The following MYO10 variants were observed in gnomAD, a reference collection of about 807,000 sequenced individuals.
The protein encoded by MYO10 is unconventional myosin-X.
A neutral mutation model predicts 257.3 loss-of-function variants in MYO10; 133 were observed. The ratio of observed to expected loss-of-function variants is 0.52; its 90% confidence interval spans 0.45 to 0.60. MYO10 has a LOEUF of 0.60. Among genes scored for constraint, MYO10 ranks in the 20% least tolerant of loss-of-function variants. The pLI is 0.00. For missense variants in MYO10, 2,399 were observed against 2,635.7 expected (o/e 0.91, Z 1.97); for synonymous variants, 1,104 against 1,028.6 (o/e 1.07, Z -1.40).
chr5:16,665,406 T>C lies in MYO10; in HGVS notation c.*1286A>G, dbSNP rs902484398. ...AATTTCTTTTTTCGTGTGGGTAGAC[T>C]TAGTTGGCCCAAGTCCTTAAAACTT... On this transcript the variant is annotated 3_prime_UTR_variant, in exon 41 of 41. Coordinates refer to ENST00000513610, the MANE Select transcript of MYO10 (RefSeq NM_012334.3). The C allele has an allele frequency of 6.6e-5, 10 of 152,198 alleles. No homozygotes were observed. The highest frequency in any genetic ancestry group is 2.4e-4 in the African/African-American group (10 of 41,448). 9.4% of individuals were successfully genotyped at this position (152,198 alleles called of 1,614,324 possible).
chr5:16,935,702 A>G, intron 1 of MYO10, 86 bp downstream of exon 1: 1 of 1,559,454 alleles, frequency 6.4e-7, no homozygotes, highest in Non-Finnish European at 8.8e-7. Flanking sequence ...AGGGCTTAGG[A>G]AAAAGTACCC....
At chr5:16,688,936 C>T (rs1267755500) in intron 28 of MYO10, among the ~76,000 whole-genome samples, 1 of 152,156 alleles carries the variant, frequency 6.6e-6, no homozygotes, top group Non-Finnish European at 1.5e-5. Flanking sequence ...TGTGCTATGT[C>T]TCCTCAGCAC....
At position 16,711,149 on chromosome 5, in the gene MYO10, G is replaced by A. The variant is rs200819752; in HGVS notation, c.2026C>T (p.Arg676Ter). Residue 676 changes from arginine to a stop codon, truncating the protein, a stop_gained, in exon 20 of 41, where the codon CGA becomes TGA. Coordinates refer to ENST00000513610, the MANE Select transcript of MYO10 (RefSeq NM_012334.3). LOFTEE classifies it high-confidence loss of function. ...VRIRKAGYAV[R>*]RPFQDFYKRY... The stretch of plus-strand genomic sequence containing the variant: ...TTGTAAAAGTCCTGAAAGGGTCTTC[G>A]GACCGCATACCCAGCTTTGCGGATT... 7.4e-6 allele frequency: 12 copies of A among 1,613,690 alleles called. No individual in the cohort carries two copies. Among genetic ancestry groups the A allele is most frequent in the Admixed American group, 1.7e-5 (1 of 59,972 alleles).
chr5:16,924,420 G>A (rs1746075558), intron 1 of MYO10, among the ~76,000 whole-genome samples: 1 of 152,080 alleles, frequency 6.6e-6, no homozygotes, highest in Non-Finnish European at 1.5e-5. Context: ...TCATGACAGG[G>A]TCTCTCAGCT....
At chr5:16,822,277 G>A (rs995236985) in intron 2 of MYO10, among the ~76,000 whole-genome samples, 10 of 150,542 alleles carry the variant, frequency 6.6e-5, no homozygotes, top group Non-Finnish European at 1.0e-4. Context: ...AAAAAAAAAC[G>A]AGTCAAGCAA....
At chr5:16,719,864 T>A (rs1739068321) in intron 19 of MYO10, among the ~76,000 whole-genome samples, 1 of 152,128 alleles carries the variant, frequency 6.6e-6, no homozygotes, top group African/African-American at 2.4e-5. Context: ...CTCAGGAGGC[T>A]GAGGCAGGAC....
At chr5:16,702,346 T>C (rs1738119777) in intron 24 of MYO10, among the ~76,000 whole-genome samples, 197 bp downstream of exon 24, 1 of 152,268 alleles carries the variant, frequency 6.6e-6, no homozygotes, top group African/African-American at 2.4e-5. Flanking sequence ...ACTCTTGTGA[T>C]GCACACTAAA....
chr5:16,776,240 CT>C (rs1223846306), intron 9 of MYO10, among the ~76,000 whole-genome samples: 2 of 152,078 alleles, frequency 1.3e-5, no homozygotes, highest in African/African-American at 4.8e-5. Context: ...AGAAGAAAAT[CT>C]TATTGTATAT....
At chr5:16,896,557 C>T (rs253480) in intron 1 of MYO10, among the ~76,000 whole-genome samples, 41,913 of 151,950 alleles carry the variant, frequency 0.28, 7,126 homozygotes, top group Admixed American at 0.41. Context: ...CGTGCCACTG[C>T]GCTCCAGCCT....
chr5:16,694,929 T>C (rs185722725), intron 26 of MYO10, among the ~76,000 whole-genome samples: 78 of 152,240 alleles, frequency 5.1e-4, no homozygotes, highest in African/African-American at 1.8e-3. Flanking sequence ...CAGGAATGAG[T>C]CAAAAGCCAA....
rs1406749069 is a variant in MYO10, at chr5:16,879,723, C to T, written c.22-2016G>A. On this transcript the variant is annotated intron_variant, in intron 1 of 40. Coordinates refer to ENST00000513610, the MANE Select transcript of MYO10 (RefSeq NM_012334.3). Reference sequence around the variant, plus strand: ...TCAAAGGCACTCATAAATCAGCCAGCAATTAAAATCTAACAACACAGAGTC... The same window carrying T: ...TCAAAGGCACTCATAAATCAGCCAGTAATTAAAATCTAACAACACAGAGTC... 2.0e-5 allele frequency among the ~76,000 whole-genome samples: 3 copies of T among 152,162 alleles called. No homozygotes were observed. The East Asian group carries it at 5.8e-4, about 29-fold the overall frequency.
chr5:16,864,441 AAAGG>A (rs1425564457), intron 2 of MYO10, among the ~76,000 whole-genome samples: 1 of 152,108 alleles, frequency 6.6e-6, no homozygotes, highest in Non-Finnish European at 1.5e-5. Context: ...TGGCTCTTTG[AAAGG>A]GGGCCTGAAT....
At chr5:16,709,353 G>A (rs1220554434) in intron 21 of MYO10, among the ~76,000 whole-genome samples, 1 of 152,276 alleles carries the variant, frequency 6.6e-6, no homozygotes, top group Middle Eastern at 3.4e-3. Flanking sequence ...TAATCTTCCT[G>A]AGTGGGGGTG....
In MYO10 at chr5:16,829,899, A is replaced by G. The variant is rs1743113984; in HGVS notation, c.121-11732T>C. ...AGGAACGGCTAATACACACACACAC[A>G]CACGCACACGCACACGCACACAAGA... On this transcript the variant is annotated intron_variant, in intron 2 of 40. Transcript: ENST00000513610. Among the ~76,000 whole-genome samples the G allele has an allele frequency of 2.1e-5, 3 of 139,692 alleles. No homozygotes were observed. The South Asian group carries it at 6.8e-4, about 32-fold the overall frequency. The allele number at this position is 139,692 out of a possible 152,430, so 91.6% of individuals were successfully genotyped here. A position where few individuals can be genotyped will look rare whatever the true frequency, so the allele number is the denominator to read the frequency against.
At chr5:16,924,597 C>T (rs528894138) in intron 1 of MYO10, among the ~76,000 whole-genome samples, 27 of 152,184 alleles carry the variant, frequency 1.8e-4, no homozygotes, top group African/African-American at 6.0e-4. Context: ...AGCGTTCATG[C>T]GCTGTTTTCT....
At chr5:16,714,228 G>C (rs554775010) in intron 19 of MYO10, among the ~76,000 whole-genome samples, 82 of 152,168 alleles carry the variant, frequency 5.4e-4, no homozygotes, top group African/African-American at 1.9e-3. Flanking sequence ...GAGGGGGCAT[G>C]GGAAGTGCAC....
At chr5:16,868,782 T>C (rs537098307) in intron 2 of MYO10, among the ~76,000 whole-genome samples, 1 of 152,300 alleles carries the variant, frequency 6.6e-6, no homozygotes, top group South Asian at 2.1e-4. Context: ...TCATTTCTTT[T>C]TCCATCTGTA....
intron 19 of MYO10, among the ~76,000 whole-genome samples, chr5:16,733,148 AAACAAAC>A (rs1739652753): frequency 6.6e-6 from 1 of 151,788 alleles, no homozygotes; most frequent in African/African-American, 2.4e-5. Flanking sequence ...AAAACAAAAC[AAACAAAC>A]AACAACAACA....
intron 4 of MYO10, among the ~76,000 whole-genome samples, chr5:16,793,796 C>T (rs929107768): frequency 9.2e-5 from 14 of 151,812 alleles, no homozygotes; most frequent in Middle Eastern, 7.0e-3. Flanking sequence ...GGGGTGGTGG[C>T]GACGCATGCC....
Sources: gnomAD v4.1 joint callset for allele counts (sites outside exome capture counted in the v4.1 genomes callset) on GRCh38, gnomAD v4.1.1 for gene constraint, MANE v1.5 for transcripts, NCBI Gene and HGNC (gene_info 2026-07-23, HGNC 2026-07-21) for gene names.